Variants in NXN observed in about 807,000 individuals in gnomAD.
The protein encoded by NXN is nucleoredoxin.
A neutral mutation model predicts 48.6 loss-of-function variants in NXN; 16 were observed. That is an observed-to-expected ratio of 0.33 (90% CI 0.22 to 0.50). The LOEUF is 0.50. Ranked by LOEUF, NXN falls within the 20% of genes least tolerant of loss-of-function variation. NXN has a pLI of 0.98. For synonymous variants in NXN, 281 were observed against 269.6 expected (o/e 1.04, Z -0.41); for missense variants, 492 against 605.5 (o/e 0.81, Z 1.97).
intron 1 of NXN, among the ~76,000 whole-genome samples, chr17:871,529 C>A (rs1337027225): frequency 6.6e-6 from 1 of 151,446 alleles, no homozygotes; most frequent in Admixed American, 6.6e-5. Context: ...CTCAGCCTCC[C>A]GAGTAGCTGG....
In NXN at chr17:923,726, T is replaced by C. The variant is rs140455819; in HGVS notation, c.360+55593A>G. ...AGACATCAAATATCCCCAAAACATATGTAACTAGAAACTTTGATAAGCAGC... is the reference window on the plus strand; with the variant it reads ...AGACATCAAATATCCCCAAAACATACGTAACTAGAAACTTTGATAAGCAGC... On this transcript the variant is annotated intron_variant, in intron 1 of 7. Transcript: ENST00000336868. 5.8e-4 allele frequency among the ~76,000 whole-genome samples: 88 copies of C among 152,272 alleles called. No homozygotes were observed. The South Asian group carries it at 0.013, about 22-fold the overall frequency.
chr17:879,039 C>T (rs573205364), intron 1 of NXN, among the ~76,000 whole-genome samples: 11 of 152,046 alleles, frequency 7.2e-5, no homozygotes, highest in South Asian at 2.1e-4. Flanking sequence ...GTGGCAGGCG[C>T]CTCTAATCCC....
intron 1 of NXN, chr17:959,243 A>G: frequency 2.4e-6 from 2 of 840,036 alleles, no homozygotes; most frequent in African/African-American, 3.6e-5. Flanking sequence ...CCCAGCTCCC[A>G]GCCCCTCCAA....
chr17:910,364 A>C (rs2068623962), intron 1 of NXN, among the ~76,000 whole-genome samples: 1 of 151,870 alleles, frequency 6.6e-6, no homozygotes, highest in Non-Finnish European at 1.5e-5. Flanking sequence ...GTGAGCCGAG[A>C]TCGCGCCGCT....
intron 1 of NXN, among the ~76,000 whole-genome samples, chr17:857,687 A>G (rs567184768): frequency 1.8e-4 from 27 of 152,288 alleles, no homozygotes; most frequent in African/African-American, 4.3e-4. Context: ...CTCTTTCTCA[A>G]TGGTCACCAC....
At chr17:834,886 C>T (rs935831707) in intron 1 of NXN, among the ~76,000 whole-genome samples, 2 of 151,346 alleles carry the variant, frequency 1.3e-5, no homozygotes. Context: ...AAACTCCTGA[C>T]CTCACCCTCC....
intron 1 of NXN, among the ~76,000 whole-genome samples, chr17:863,606 G>A (rs1171455568): frequency 1.3e-5 from 2 of 152,154 alleles, no homozygotes; most frequent in Non-Finnish European, 2.9e-5. Flanking sequence ...GACCACAGGA[G>A]CATGCCTCCA....
chr17:832,170 T>TA (rs1913512563), intron 1 of NXN, among the ~76,000 whole-genome samples: 1 of 146,050 alleles, frequency 6.8e-6, no homozygotes, highest in Admixed American at 6.8e-5. Context: ...GCTTTGCTCT[T>TA]AGCCAGGAAT....
chr17:838,670 T>C (rs923483245), intron 1 of NXN, among the ~76,000 whole-genome samples: 7 of 152,210 alleles, frequency 4.6e-5, no homozygotes, highest in Non-Finnish European at 8.8e-5. Context: ...CAACCACATA[T>C]GGCAGATCAG....
At chr17:868,545 G>T (rs1244033446) in intron 1 of NXN, among the ~76,000 whole-genome samples, 1 of 152,074 alleles carries the variant, frequency 6.6e-6, no homozygotes, top group Non-Finnish European at 1.5e-5. Context: ...AGGCTGGAGT[G>T]CAGTGATGCG....
intron 1 of NXN, among the ~76,000 whole-genome samples, chr17:841,110 C>T (rs992772945): frequency 9.9e-5 from 15 of 152,180 alleles, no homozygotes; most frequent in African/African-American, 3.6e-4. Flanking sequence ...GTCTGGGGGG[C>T]ACCTCCCTGC....
intron 1 of NXN, among the ~76,000 whole-genome samples, chr17:828,013 T>C (rs1249231704): frequency 1.3e-5 from 2 of 152,230 alleles, no homozygotes; most frequent in African/African-American, 2.4e-5. Flanking sequence ...GCTTTCAATC[T>C]GCATGTTTTT....
At chr17:822,020 C>T (rs2144640893) in intron 4 of NXN, among the ~76,000 whole-genome samples, 1 of 152,208 alleles carries the variant, frequency 6.6e-6, no homozygotes, top group Admixed American at 6.5e-5. Flanking sequence ...GTGGCTCACA[C>T]CTGTAATCCC....
intron 1 of NXN, chr17:929,750 C>T (rs2068835182): frequency 6.6e-6 from 1 of 152,130 alleles, no homozygotes; most frequent in Non-Finnish European, 1.5e-5. Flanking sequence ...AGCAGCTGGG[C>T]TGCTCTGGAA....
intron 5 of NXN, among the ~76,000 whole-genome samples, chr17:818,607 C>T (rs990763129): frequency 2.0e-5 from 3 of 151,620 alleles, no homozygotes; most frequent in African/African-American, 4.8e-5. Context: ...CACCATGGGC[C>T]GGGTGCAGTG....
At chr17:929,912 G>A (rs193100108) in intron 1 of NXN, 1 of 147,814 alleles carries the variant, frequency 6.8e-6, no homozygotes, top group Admixed American at 6.8e-5. Context: ...CGAAAATGCA[G>A]TTTGCTCTTT....
chr17:843,576 T>G (rs1429713142), intron 1 of NXN, among the ~76,000 whole-genome samples: 1 of 152,130 alleles, frequency 6.6e-6, no homozygotes, highest in Non-Finnish European at 1.5e-5. Context: ...TCAGGAGAGA[T>G]CTTAAGAAGC....
At chr17:868,656 TC>T (rs1377450736) in intron 1 of NXN, among the ~76,000 whole-genome samples, 6 of 152,022 alleles carry the variant, frequency 3.9e-5, no homozygotes, top group Non-Finnish European at 7.4e-5. Context: ...CACGCCCGGA[TC>T]ATTTTTTTGT....
chr17:940,573 G>A (rs996480473), intron 1 of NXN, among the ~76,000 whole-genome samples: 10 of 152,332 alleles, frequency 6.6e-5, no homozygotes, highest in African/African-American at 1.2e-4. Context: ...AGGTACGGAC[G>A]GCATGCCTCA....
Sources: allele counts gnomAD v4.1 joint callset (sites outside exome capture counted in the v4.1 genomes callset), GRCh38; gene constraint gnomAD v4.1.1; transcripts MANE v1.5; gene names NCBI Gene and HGNC (gene_info 2026-07-23, HGNC 2026-07-21).